The following CEP85L variants were observed in gnomAD, a reference collection of about 807,000 sequenced individuals.
The protein encoded by CEP85L is centrosomal protein 85L, also known as centrosomal protein of 85 kDa-like.
CEP85L carries 60 observed loss-of-function variants against 100.3 expected under a neutral mutation model. The ratio of observed to expected loss-of-function variants is 0.60; its 90% CI spans 0.49 to 0.74. The LOEUF is 0.74. Among genes scored for constraint, CEP85L ranks in the 30% least tolerant of loss-of-function variants. The probability of loss-of-function intolerance (pLI) is 0.00; values close to 1 mark genes in which losing one functional copy is unlikely to be tolerated. For missense variants in CEP85L, 973 were observed against 936.2 expected, an observed-to-expected ratio of 1.04 and a Z score of -0.51; for synonymous variants, 319 against 322.7, an observed-to-expected ratio of 0.99 and a Z score of 0.12.
chr6:118,584,112 CTTAAG>C (rs1780727788), intron 2 of CEP85L, among the ~76,000 whole-genome samples: 1 of 152,280 alleles, frequency 6.6e-6, no homozygotes, highest in Non-Finnish European at 1.5e-5. Context: ...TTCTCTCAAC[CTTAAG>C]TTAAGGTCTT....
At chr6:118,604,896 G>C (rs1358221970) in intron 2 of CEP85L, among the ~76,000 whole-genome samples, 5 of 150,042 alleles carry the variant, frequency 3.3e-5, no homozygotes, top group Non-Finnish European at 7.4e-5. Context: ...ATTTCCAAAA[G>C]ATTACTAAAG....
intron 2 of CEP85L, among the ~76,000 whole-genome samples, chr6:118,599,126 A>G (rs1781596156): frequency 6.6e-6 from 1 of 152,172 alleles, no homozygotes; most frequent in East Asian, 1.9e-4. Flanking sequence ...ACAACCCAAT[A>G]ATAACAAGTA....
At chr6:118,564,774 T>TA (rs927940077) in intron 3 of CEP85L, among the ~76,000 whole-genome samples, 1 of 152,186 alleles carries the variant, frequency 6.6e-6, no homozygotes, top group African/African-American at 2.4e-5. Flanking sequence ...ATTCTGATGA[T>TA]AAAAAACAGA....
intron 2 of CEP85L, among the ~76,000 whole-genome samples, chr6:118,585,700 A>C (rs1308729391): frequency 6.6e-6 from 1 of 152,244 alleles, no homozygotes; most frequent in Admixed American, 6.5e-5. Flanking sequence ...AAAACTTATC[A>C]ATGTGCCCAG....
At chr6:118,499,080 CA>C (rs1428487853) in intron 5 of CEP85L, among the ~76,000 whole-genome samples, 1 of 152,046 alleles carries the variant, frequency 6.6e-6, no homozygotes, top group East Asian at 1.9e-4. Flanking sequence ...TACAACCTAT[CA>C]AAATTTGTGG....
intron 2 of CEP85L, among the ~76,000 whole-genome samples, chr6:118,604,912 T>C (rs139529392): frequency 0.16 from 22,734 of 141,172 alleles, 2,266 homozygotes; most frequent in Non-Finnish European, 0.23. Context: ...TAAAGTCACG[T>C]GAACAAAAAG....
At chr6:118,647,029 C>T (rs1775244547) in intron 1 of CEP85L, 4 of 984,988 alleles carry the variant, frequency 4.1e-6, no homozygotes, top group Non-Finnish European at 4.8e-6. Context: ...TCACCCCTTA[C>T]CCCCCAATAC....
At chr6:118,523,014 C>T (rs1435820776) in intron 4 of CEP85L, among the ~76,000 whole-genome samples, 2 of 152,040 alleles carry the variant, frequency 1.3e-5, no homozygotes, top group African/African-American at 2.4e-5. Flanking sequence ...CTATTAAATG[C>T]GTTTAAAGGT....
chr6:118,466,256 A>C (rs1261075226), intron 12 of CEP85L, among the ~76,000 whole-genome samples: 1 of 152,228 alleles, frequency 6.6e-6, no homozygotes, highest in Non-Finnish European at 1.5e-5. Context: ...CAGTGATTAC[A>C]AAAGAAACCT....
At position 118,485,066 on chromosome 6, in the gene CEP85L, C is replaced by G. The variant is rs142781857; in HGVS notation, c.1438-1208G>C. On this transcript the variant is annotated intron_variant, in intron 6 of 12. Transcript: ENST00000368491. ...ACATGATAATGATTCTAGTAAATCC[C>G]AATTTATATAGGCTGAAAGTCAGAT... Among the ~76,000 whole-genome samples the G allele has an allele frequency of 2.3e-3, 357 of 152,254 alleles. 2 individuals carry two copies. The highest frequency in any genetic ancestry group is 8.2e-3 in the African/African-American group (339 of 41,536).
chr6:118,643,447 A>G (rs1384426040), intron 1 of CEP85L, among the ~76,000 whole-genome samples: 1 of 152,240 alleles, frequency 6.6e-6, no homozygotes, highest in East Asian at 1.9e-4. Context: ...TCAGAGAAAT[A>G]TATAACTAAA....
chr6:118,651,457 C>G lies in CEP85L; in HGVS notation c.-188G>C, dbSNP rs1436714372. ...GCAGGGGCCAGATTCGCCGCACTGC[C>G]GGCGCCTGCCATGGCCAAGCCGGCT... On this transcript the variant is annotated 5_prime_UTR_variant, in exon 1 of 13. Transcript: ENST00000368491. 4.6e-6 allele frequency: 6 copies of G among 1,317,798 alleles called. No individual in the cohort carries two copies. Among genetic ancestry groups the G allele is most frequent in the Admixed American group, 4.2e-5 (1 of 23,978 alleles). The allele number at this position is 1,317,798 out of a possible 1,614,324, so 81.6% of individuals were successfully genotyped here.
chr6:118,644,076 A>G (rs1284343420), intron 1 of CEP85L, among the ~76,000 whole-genome samples: 1 of 152,254 alleles, frequency 6.6e-6, no homozygotes, highest in Non-Finnish European at 1.5e-5. Context: ...CAATAAAGTC[A>G]GCTCCACTGG....
intron 5 of CEP85L, among the ~76,000 whole-genome samples, chr6:118,507,025 G>A (rs759714059): frequency 3.3e-5 from 5 of 151,878 alleles, no homozygotes; most frequent in Admixed American, 1.3e-4. Context: ...ACCTGATCAT[G>A]CCCAAGGCTT....
chr6:118,706,215 G>A (rs778899603), intron 1 of CEP85L, among the ~76,000 whole-genome samples: 2 of 152,174 alleles, frequency 1.3e-5, no homozygotes, highest in African/African-American at 4.8e-5. Flanking sequence ...TCATTTTCTA[G>A]ATAGAAGAAC....
At chr6:118,681,309 G>A (rs1776650405) in intron 1 of CEP85L, among the ~76,000 whole-genome samples, 1 of 152,084 alleles carries the variant, frequency 6.6e-6, no homozygotes, top group African/African-American at 2.4e-5. Context: ...CTGTGCTGAG[G>A]TATTCTCTGG....
At chr6:118,644,199 A>G (rs147505653) in intron 1 of CEP85L, among the ~76,000 whole-genome samples, 4 of 152,198 alleles carry the variant, frequency 2.6e-5, no homozygotes, top group African/African-American at 9.7e-5. Context: ...GCCTGGAAGC[A>G]TGAGACTGGT....
chr6:118,703,334 G>A (rs1777487632), intron 1 of CEP85L, among the ~76,000 whole-genome samples: 1 of 151,898 alleles, frequency 6.6e-6, no homozygotes, highest in Admixed American at 6.6e-5. Flanking sequence ...CTTTCATAAG[G>A]ATTCATGTTC....
intron 2 of CEP85L, among the ~76,000 whole-genome samples, chr6:118,629,397 G>A (rs1025788397): frequency 6.6e-6 from 1 of 152,178 alleles, no homozygotes; most frequent in Non-Finnish European, 1.5e-5. Flanking sequence ...CCTCATCAAA[G>A]ATGATATACA....
Sources: gnomAD v4.1 joint callset for allele counts (sites outside exome capture counted in the v4.1 genomes callset) on GRCh38, gnomAD v4.1.1 for gene constraint, MANE v1.5 for transcripts, NCBI Gene and HGNC (gene_info 2026-07-23, HGNC 2026-07-21) for gene names.